The following SLC9C2 variants were observed in gnomAD, a reference collection of about 807,000 sequenced individuals.
SLC9C2 encodes solute carrier family 9 member C2 (putative).
In SLC9C2, 75 loss-of-function variants were observed where a neutral mutation model predicts 140.2. The observed-to-expected ratio is 0.53, with a 90% CI of 0.44 to 0.65. The LOEUF (loss-of-function observed/expected upper bound fraction) is 0.65, where lower values mean the gene tolerates loss of function less well. SLC9C2 is among the 30% of genes least tolerant of loss of function. The pLI is 0.00. For missense variants in SLC9C2, 1,074 were observed against 1,331.8 expected (o/e 0.81, Z 3.01); for synonymous variants, 375 against 420.9 (o/e 0.89, Z 1.34).
intron 3 of SLC9C2, among the ~76,000 whole-genome samples, chr1:173,599,362 ATTTTTTTT>A (rs61579339): frequency 0.017 from 1,129 of 68,042 alleles, 7 homozygotes; most frequent in Non-Finnish European, 0.025. Flanking sequence ...ATTTTCCTTG[ATTTTTTTT>A]TTTTTTTTTT....
Position 173,573,193 on chromosome 1 carries a change from C to T in SLC9C2, c.1035G>A (p.Val345=), listed in dbSNP as rs867906174. 1 of 1,549,414 alleles carries T rather than the reference C, an allele frequency of 6.5e-7. No individual in the cohort carries two copies. Among genetic ancestry groups the T allele is most frequent in the Non-Finnish European group, 8.8e-7 (1 of 1,137,018 alleles). The change falls in exon 9 of 28, where the codon GTG becomes GTA. Residue 345 remains valine (V), a synonymous_variant. Coordinates refer to ENST00000367714, the MANE Select transcript of SLC9C2 (RefSeq NM_178527.4). ...AATATTATTCTTACCTTACCAAATT[C>T]ACTGTTGTAAATAAAATGAATATGA... ...IPFIFILFTT[V]NLVRLLTILL... is the part of the protein sequence containing the mutation.
At chr1:173,518,001 C>T (rs1660539756) in intron 22 of SLC9C2, among the ~76,000 whole-genome samples, 1 of 152,202 alleles carries the variant, frequency 6.6e-6, no homozygotes, top group Non-Finnish European at 1.5e-5. Context: ...TGGCTCACGC[C>T]TGTAATCCCA....
chr1:173,510,157 A>T (rs1186736151), intron 23 of SLC9C2, among the ~76,000 whole-genome samples: 2 of 152,156 alleles, frequency 1.3e-5, no homozygotes, highest in African/African-American at 2.4e-5. Flanking sequence ...CAGCCTTATG[A>T]CTAAACTCAT....
chr1:173,529,198 T>C (rs139048706), intron 18 of SLC9C2, among the ~76,000 whole-genome samples: 2 of 152,020 alleles, frequency 1.3e-5, no homozygotes, highest in African/African-American at 4.8e-5. Flanking sequence ...AAGAGCAGAG[T>C]TGACAGCTAT....
In SLC9C2 at chr1:173,524,807, T is replaced by C; in HGVS notation, c.2486A>G (p.Asp829Gly). The change falls in exon 20 of 28, where the codon GAT (aspartate) becomes GGT (glycine). Residue 829 changes from aspartate (D) to glycine (G), a missense_variant. Physicochemically the swap from Asp to Gly is moderately conservative, Grantham distance 94. Coordinates refer to ENST00000367714, the MANE Select transcript of SLC9C2 (RefSeq NM_178527.4). The stretch of plus-strand genomic sequence containing the variant: ...ATTTATCTCAATGACTTCATGCTTA[T>C]CAATAATGCCTCTTGAACAAAGGAA... The part of the protein sequence containing the change: ...LTFLCSRGII[D>G]KHEVIEINKV... 4 of 1,614,082 alleles carry C rather than the reference T, an allele frequency of 2.5e-6. No individual in the cohort carries two copies. Among genetic ancestry groups the C allele is most frequent in the Non-Finnish European group, 2.5e-6 (3 of 1,179,954 alleles).
At chr1:173,530,453 G>A (rs971146294) in intron 17 of SLC9C2, among the ~76,000 whole-genome samples, 5 of 152,208 alleles carry the variant, frequency 3.3e-5, no homozygotes, top group African/African-American at 7.2e-5. Flanking sequence ...TGAACAAATC[G>A]TCTCTCTGTG....
chr1:173,550,705 GA>G (rs1213645743), intron 11 of SLC9C2, among the ~76,000 whole-genome samples: 2 of 151,578 alleles, frequency 1.3e-5, no homozygotes, highest in African/African-American at 4.8e-5. Context: ...CCAAAGTGTT[GA>G]GATTACAGGC....
chr1:173,582,764 T>C (rs907258404), intron 6 of SLC9C2, among the ~76,000 whole-genome samples: 17 of 152,306 alleles, frequency 1.1e-4, no homozygotes, highest in Non-Finnish European at 2.5e-4. Flanking sequence ...CCCAGTGGGC[T>C]TTAGCTGCAG....
chr1:173,569,076 A>G lies in SLC9C2; in HGVS notation c.1046+4106T>C, dbSNP rs141712988. Among the ~76,000 whole-genome samples the G allele has an allele frequency of 3.1e-3, 479 of 152,274 alleles. 6 individuals carry two copies. Among genetic ancestry groups the G allele is most frequent in the East Asian group, 6.6e-3 (34 of 5,170 alleles). On this transcript the variant is annotated intron_variant, in intron 9 of 27. Transcript: ENST00000367714. ...ATGTTTGAAGGATATTTTCACAGAT[A>G]TACTATTCTTGGGTAAAAGTTATTT...
At chr1:173,587,974 A>C (rs1571623380) in intron 4 of SLC9C2, 144 bp from the exon 5 acceptor site, 1 of 537,316 alleles carries the variant, frequency 1.9e-6, no homozygotes, top group South Asian at 4.7e-5. Context: ...TTCTAGTTTA[A>C]CCACCTGCCA....
rs192799154 is a variant in SLC9C2, at chr1:173,501,011, G to A, written c.*83C>T. On this transcript the variant is annotated 3_prime_UTR_variant, in exon 28 of 28. Coordinates refer to ENST00000367714, the MANE Select transcript of SLC9C2 (RefSeq NM_178527.4). Reference sequence around the variant, plus strand: ...GCAGATAATCCTTTAGTATTTGAGCGAGGAAAGTAGTTTGGTCTTTAACCT... The same window carrying A: ...GCAGATAATCCTTTAGTATTTGAGCAAGGAAAGTAGTTTGGTCTTTAACCT... 2.5e-4 allele frequency: 338 copies of A among 1,373,900 alleles called. No individual in the cohort carries two copies. Among genetic ancestry groups the A allele is most frequent in the Non-Finnish European group, 2.8e-4 (292 of 1,049,506 alleles). The allele number at this position is 1,373,900 out of a possible 1,614,324, so 85.1% of individuals were successfully genotyped here. A position where few individuals can be genotyped will look rare whatever the true frequency, so the allele number is the denominator to read the frequency against.
At chr1:173,601,039 G>T (rs1448861337) in intron 2 of SLC9C2, among the ~76,000 whole-genome samples, 1 of 152,146 alleles carries the variant, frequency 6.6e-6, no homozygotes, top group Non-Finnish European at 1.5e-5. Context: ...CTCTATACCT[G>T]TTGAATTCTT....
intron 11 of SLC9C2, 133 bp downstream of exon 11, chr1:173,554,600 T>A: frequency 1.5e-6 from 1 of 667,816 alleles, no homozygotes; most frequent in Non-Finnish European, 2.7e-6. Context: ...CATCTAAATA[T>A]ATGAATAAAT....
At chr1:173,505,193 T>C in intron 26 of SLC9C2, 54 bp downstream of exon 26, 2 of 1,368,114 alleles carry the variant, frequency 1.5e-6, no homozygotes, top group Non-Finnish European at 2.1e-6. Context: ...GAATTTTACA[T>C]GTATTGAAGT....
chr1:173,582,302 A>T (rs922787913), intron 6 of SLC9C2, among the ~76,000 whole-genome samples: 1 of 152,242 alleles, frequency 6.6e-6, no homozygotes, highest in African/African-American at 2.4e-5. Flanking sequence ...AAATGGGTTT[A>T]GAGTGAATGT....
In SLC9C2 at chr1:173,526,707, C is replaced by A. The variant is rs138064550; in HGVS notation, c.2321G>T (p.Cys774Phe). The A allele has an allele frequency of 3.8e-6, 6 of 1,588,634 alleles. No homozygotes were observed. The highest frequency in any genetic ancestry group is 4.3e-6 in the Non-Finnish European group (5 of 1,171,780). ...CTGTTTGTTGGTTTCCAAAATTTCA[C>A]ATAGTTTCTGTAAAAAATTAAGAAA... is the stretch of plus-strand genomic sequence containing the variant. ...AVCESIYQKL[C>F]EILETNKQDA... Residue 774 changes from cysteine to phenylalanine, a missense_variant, in exon 19 of 28, where the codon TGT becomes TTT. Transcript: ENST00000367714.
At chr1:173,579,245 A>T (rs1278344484) in intron 7 of SLC9C2, among the ~76,000 whole-genome samples, 1 of 152,224 alleles carries the variant, frequency 6.6e-6, no homozygotes, top group Non-Finnish European at 1.5e-5. Context: ...AGAGAAAATC[A>T]TCATTCTGTT....
intron 11 of SLC9C2, among the ~76,000 whole-genome samples, chr1:173,551,539 G>A (rs1663310801): frequency 6.6e-6 from 1 of 152,130 alleles, no homozygotes; most frequent in East Asian, 1.9e-4. Flanking sequence ...TCATATCTCT[G>A]TGTCTACATT....
chr1:173,562,081 A>G (rs897956813), intron 9 of SLC9C2, among the ~76,000 whole-genome samples: 7 of 152,208 alleles, frequency 4.6e-5, no homozygotes, highest in Admixed American at 2.6e-4. Context: ...GAATTAAGTT[A>G]TATGCCCATT....
Sources: allele counts gnomAD v4.1 joint callset (sites outside exome capture counted in the v4.1 genomes callset), GRCh38; gene constraint gnomAD v4.1.1; transcripts MANE v1.5; gene names NCBI Gene and HGNC (gene_info 2026-07-23, HGNC 2026-07-21).